DDX60L: variants seen among roughly 807,000 people sequenced by gnomAD.
The protein encoded by DDX60L is DExD/H-box 60 like, also known as probable ATP-dependent RNA helicase DDX60-like.
In DDX60L, 191 loss-of-function variants were observed where a neutral mutation model predicts 211.6. The ratio of observed to expected loss-of-function variants is 0.90; its 90% CI spans 0.80 to 1.02. The LOEUF is 1.02. Among genes scored for constraint, DDX60L ranks in the 50% least tolerant of loss-of-function variants. The probability of loss-of-function intolerance (pLI) is 0.00; values close to 1 mark genes in which losing one functional copy is unlikely to be tolerated. For missense variants in DDX60L, 2,007 were observed against 1,984.1 expected, an observed-to-expected ratio of 1.01 and a Z score of -0.22; for synonymous variants, 706 against 694.1, an observed-to-expected ratio of 1.02 and a Z score of -0.27.
At chr4:168,395,915 A>C (rs774945549) in intron 27 of DDX60L, 44 bp downstream of exon 27, 1 of 1,311,138 alleles carries the variant, frequency 7.6e-7, no homozygotes, top group Non-Finnish European at 1.1e-6. Flanking sequence ...CTATGATAAA[A>C]TGTCACAACT....
At chr4:168,390,210 G>A in intron 29 of DDX60L, 1 of 1,025,994 alleles carries the variant, frequency 9.7e-7, no homozygotes, top group Non-Finnish European at 1.2e-6. Context: ...AAATGATGTT[G>A]GATTTCTTCC....
chr4:168,379,704 A>C (rs780667983), intron 31 of DDX60L, 22 bp downstream of exon 31: 2 of 1,594,948 alleles, frequency 1.3e-6, no homozygotes, highest in Non-Finnish European at 1.7e-6. Flanking sequence ...ACAGAGAACA[A>C]AAAGCCAAAG....
At chr4:168,467,079 G>A (rs1318168863) in intron 4 of DDX60L, among the ~76,000 whole-genome samples, 2 of 152,060 alleles carry the variant, frequency 1.3e-5, no homozygotes, top group Non-Finnish European at 2.9e-5. Flanking sequence ...GTGTTATTCA[G>A]TGTAAAACTG....
chr4:168,476,574 A>T (rs1261541936), intron 1 of DDX60L, among the ~76,000 whole-genome samples: 2 of 152,234 alleles, frequency 1.3e-5, no homozygotes, highest in Non-Finnish European at 2.9e-5. Flanking sequence ...AGAAAGAGGG[A>T]ATCCTATAGA....
In DDX60L at chr4:168,373,708, C is replaced by T. The variant is rs13133439; in HGVS notation, c.4734G>A (p.Gly1578=). The T allele has an allele frequency of 0.038, 62,067 of 1,613,702 alleles. 1,418 individuals carry two copies. The highest frequency in any genetic ancestry group is 0.047 in the Non-Finnish European group (55,959 of 1,179,674). ...VAISPFVCLS[G]NTDNDLLRPE... ...GTCGAAGCAAATCATTATCTGTGTT[C>T]CCCGAAAGACAAACAAATGGTGAAA... is the stretch of plus-strand genomic sequence containing the variant. The change falls in exon 35 of 38, where the codon GGG becomes GGA. Residue 1578 remains glycine, a synonymous_variant. Transcript: ENST00000682922.
At chr4:168,391,702 A>G (rs1744864647) in intron 28 of DDX60L, 58 bp from the exon 29 acceptor site, 2 of 948,244 alleles carry the variant, frequency 2.1e-6, no homozygotes, top group Non-Finnish European at 3.0e-6. Flanking sequence ...TAAGGACACA[A>G]GATCTATTTT....
Position 168,371,630 on chromosome 4 carries a change from C to G in DDX60L, c.4910G>C (p.Arg1637Thr). The change falls in exon 36 of 38, where the codon AGA becomes ACA. Residue 1637 changes from arginine to threonine, a missense_variant. Arg to Thr is a moderately conservative substitution (Grantham distance 71). Transcript: ENST00000682922. Reference protein sequence around the residue: ...LNFYKHNCLTRLDQKNGMRMG... With the variant: ...LNFYKHNCLTTLDQKNGMRMG... ...AACTTACCCATTTTTTTGGTCTAATCTTGTCAAGCAGTTGTGTTTATAGAA... is the reference window on the plus strand; with the variant it reads ...AACTTACCCATTTTTTTGGTCTAATGTTGTCAAGCAGTTGTGTTTATAGAA... The G allele has an allele frequency of 6.4e-7, 1 of 1,561,000 alleles. No homozygotes were observed. Among genetic ancestry groups the G allele is most frequent in the African/African-American group, 1.4e-5 (1 of 73,390 alleles).
At position 168,416,783 on chromosome 4, in the gene DDX60L, G is replaced by C; in HGVS notation, c.2625C>G (p.Gly875=). 6.3e-7 allele frequency: 1 copy of C among 1,587,370 alleles called. No homozygotes were observed. The highest frequency in any genetic ancestry group is 8.6e-7 in the Non-Finnish European group (1 of 1,166,444). ...YVIFDEVHYL[G]REVGAKFWEL... ...CCCAAAATTTTGCTCCAACTTCTCT[G>C]CCAAGATAATGGACCTAGTAAAGAA... Residue 875 remains glycine (G), a synonymous_variant, in exon 20 of 38, where the codon GGC becomes GGG. Coordinates refer to ENST00000682922, the MANE Select transcript of DDX60L (RefSeq NM_001012967.3).
Position 168,394,535 on chromosome 4 carries a change from T to C in DDX60L, c.3740A>G (p.Tyr1247Cys), listed in dbSNP as rs1745433502. 2 of 1,613,726 alleles carry C rather than the reference T, an allele frequency of 1.2e-6. No individual in the cohort carries two copies. The highest frequency in any genetic ancestry group is 1.3e-5 in the African/African-American group (1 of 75,064). The change falls in exon 28 of 38, where the codon TAT (tyrosine) becomes TGT (cysteine). Residue 1247 changes from tyrosine to cysteine, a missense_variant. Tyr to Cys is a radical substitution (Grantham distance 194). Coordinates refer to ENST00000682922, the MANE Select transcript of DDX60L (RefSeq NM_001012967.3). ...TTTAAAATACATGCTGCTGTGATGATATCCAATCCCCCTTTGTGCTAAAGC... is the reference window on the plus strand; with the variant it reads ...TTTAAAATACATGCTGCTGTGATGACATCCAATCCCCCTTTGTGCTAAAGC... ...LKALAQRGIG[Y>C]HHSSMYFKEK...
At chr4:168,473,465 TG>T (rs1363363252) in intron 1 of DDX60L, among the ~76,000 whole-genome samples, 2 of 152,108 alleles carry the variant, frequency 1.3e-5, no homozygotes, top group Admixed American at 1.3e-4. Context: ...GTGGATTTAT[TG>T]GGGGGCCATT....
intron 33 of DDX60L, chr4:168,377,859 A>C (rs1240541380): frequency 6.6e-6 from 1 of 152,222 alleles, no homozygotes; most frequent in Non-Finnish European, 1.5e-5. Context: ...AAAAAATAAG[A>C]AATTGGAAAC....
At position 168,448,954 on chromosome 4, in the gene DDX60L, T is replaced by A. The variant is rs943829290; in HGVS notation, c.997-175A>T. Among the ~76,000 whole-genome samples the A allele has an allele frequency of 6.6e-5, 10 of 152,288 alleles. 1 individual carries two copies. The East Asian group carries it at 1.9e-3, about 29-fold the overall frequency. On this transcript the variant is annotated intron_variant, in intron 8 of 37. Transcript: ENST00000682922. The stretch of plus-strand genomic sequence containing the variant: ...AAGTCCCCAAACTAATGCTTTCATA[T>A]CTTTACTTTTAAAACTGGGAATTGC...
At chr4:168,431,554 C>T (rs374927055) in intron 12 of DDX60L, among the ~76,000 whole-genome samples, 3 of 84,836 alleles carry the variant, frequency 3.5e-5, no homozygotes, top group East Asian at 3.5e-4. Context: ...GACTGTTGTG[C>T]GGTGGGGGGT....
intron 10 of DDX60L, among the ~76,000 whole-genome samples, chr4:168,433,616 G>A (rs533427689): frequency 6.6e-6 from 1 of 152,196 alleles, no homozygotes; most frequent in Admixed American, 6.5e-5. Flanking sequence ...TTTACATGCT[G>A]AATATAATAG....
At chr4:168,361,475 A>G (rs1739101135) in intron 36 of DDX60L, 1 of 264,030 alleles carries the variant, frequency 3.8e-6, no homozygotes, top group East Asian at 7.3e-5. Flanking sequence ...AATGAGGACT[A>G]CAGATTAAAG....
At chr4:168,442,168 G>A (rs896146845) in intron 9 of DDX60L, among the ~76,000 whole-genome samples, 14 of 152,140 alleles carry the variant, frequency 9.2e-5, no homozygotes, top group Admixed American at 1.3e-4. Context: ...AGCCGAAGCA[G>A]GGCGAGGCAT....
intron 1 of DDX60L, among the ~76,000 whole-genome samples, chr4:168,477,691 T>C (rs1187049282): frequency 3.3e-5 from 5 of 152,222 alleles, no homozygotes; most frequent in Non-Finnish European, 7.3e-5. Flanking sequence ...CTAGGCTTCT[T>C]GGGCTTAAAA....
At chr4:168,400,309 T>A (rs1328082606) in intron 26 of DDX60L, among the ~76,000 whole-genome samples, 1 of 152,212 alleles carries the variant, frequency 6.6e-6, no homozygotes, top group African/African-American at 2.4e-5. Flanking sequence ...CTATTGTGAA[T>A]GGTGCTTCAG....
intron 26 of DDX60L, among the ~76,000 whole-genome samples, chr4:168,396,860 G>A (rs1442108505): frequency 6.6e-6 from 1 of 152,090 alleles, no homozygotes; most frequent in Non-Finnish European, 1.5e-5. Context: ...TTTAGGCAAC[G>A]TCTGAATTAG....
Sources: gnomAD v4.1 joint callset for allele counts (sites outside exome capture counted in the v4.1 genomes callset) on GRCh38, gnomAD v4.1.1 for gene constraint, MANE v1.5 for transcripts, NCBI Gene and HGNC (gene_info 2026-07-23, HGNC 2026-07-21) for gene names.